EFNA5: variants seen among roughly 807,000 people sequenced by gnomAD.
The protein encoded by EFNA5 is ephrin A5.
In EFNA5, 5 loss-of-function variants were observed where a neutral mutation model predicts 22.9. The ratio of observed to expected loss-of-function variants is 0.22; its 90% confidence interval spans 0.11 to 0.46. The LOEUF (loss-of-function observed/expected upper bound fraction) is 0.46. Ranked by LOEUF, EFNA5 falls within the 20% of genes least tolerant of loss-of-function variation. The probability of loss-of-function intolerance (pLI) is 0.99; values close to 1 mark genes in which losing one functional copy is unlikely to be tolerated. For synonymous variants in EFNA5, 113 were observed against 112.2 expected (o/e 1.01, Z -0.04); for missense variants, 237 against 293.3 (o/e 0.81, Z 1.40).
At chr5:107,428,867 G>C (rs1466851086) in intron 1 of EFNA5, among the ~76,000 whole-genome samples, 1 of 152,084 alleles carries the variant, frequency 6.6e-6, no homozygotes, top group Non-Finnish European at 1.5e-5. Flanking sequence ...CTGCTGCCTG[G>C]AATTACAAAA....
At chr5:107,579,767 C>T (rs905158851) in intron 1 of EFNA5, among the ~76,000 whole-genome samples, 1 of 152,184 alleles carries the variant, frequency 6.6e-6, no homozygotes, top group East Asian at 1.9e-4. Flanking sequence ...AATTCACTTC[C>T]AGCAGAACTT....
chr5:107,569,562 TATATATATATA>T (rs1580535388), intron 1 of EFNA5, among the ~76,000 whole-genome samples: 3 of 19,840 alleles, frequency 1.5e-4, no homozygotes, highest in Non-Finnish European at 3.3e-4. Flanking sequence ...TATATATTTA[TATATATATATA>T]TATATATATA....
At chr5:107,468,400 G>A (rs1183363427) in intron 1 of EFNA5, among the ~76,000 whole-genome samples, 1 of 152,178 alleles carries the variant, frequency 6.6e-6, no homozygotes, top group Non-Finnish European at 1.5e-5. Flanking sequence ...TAAAGCTAAT[G>A]AGTCAGAGAG....
chr5:107,499,628 T>C (rs1353479136), intron 1 of EFNA5, among the ~76,000 whole-genome samples: 3 of 152,224 alleles, frequency 2.0e-5, no homozygotes, highest in Non-Finnish European at 4.4e-5. Context: ...CATTGGCCTA[T>C]ATGTGCACAG....
chr5:107,560,862 T>C lies in EFNA5; in HGVS notation c.125+109627A>G, dbSNP rs1023496078. ...CCCAAAGGTGAGGCAGAGCCAGGAA[T>C]GGCTGCATGGACCAAGCTCTAAGGA... On this transcript the variant is annotated intron_variant, in intron 1 of 4. Transcript: ENST00000333274. 5.3e-5 allele frequency among the ~76,000 whole-genome samples: 8 copies of C among 152,182 alleles called. No individual in the cohort carries two copies. In the East Asian group the frequency reaches 1.3e-3, roughly 26 times the overall value.
At chr5:107,389,531 T>G (rs1274023188) in intron 2 of EFNA5, among the ~76,000 whole-genome samples, 1 of 152,210 alleles carries the variant, frequency 6.6e-6, no homozygotes, top group Non-Finnish European at 1.5e-5. Flanking sequence ...ATTTGCTACA[T>G]GCACATAACT....
At chr5:107,463,291 C>T (rs1245740211) in intron 1 of EFNA5, among the ~76,000 whole-genome samples, 1 of 152,064 alleles carries the variant, frequency 6.6e-6, no homozygotes, top group Middle Eastern at 3.2e-3. Flanking sequence ...AACAAATTCA[C>T]ACACATATAT....
chr5:107,515,804 G>GC, intron 1 of EFNA5, among the ~76,000 whole-genome samples: 1 of 152,224 alleles, frequency 6.6e-6, no homozygotes, highest in Non-Finnish European at 1.5e-5. Flanking sequence ...TCATGCTCAC[G>GC]CCCCAAAGGC....
intron 1 of EFNA5, among the ~76,000 whole-genome samples, chr5:107,479,229 G>C (rs1750388104): frequency 6.6e-6 from 1 of 150,904 alleles, no homozygotes; most frequent in African/African-American, 2.4e-5. Flanking sequence ...TCAAAATACT[G>C]TCTTAGTTGC....
chr5:107,596,529 G>A (rs1276269666), intron 1 of EFNA5, among the ~76,000 whole-genome samples: 1 of 152,086 alleles, frequency 6.6e-6, no homozygotes, highest in Non-Finnish European at 1.5e-5. Flanking sequence ...GGCCACCTAG[G>A]TTGCTTCCAT....
chr5:107,572,854 G>T (rs7729929), intron 1 of EFNA5, among the ~76,000 whole-genome samples: 12,289 of 152,106 alleles, frequency 0.081, 1,626 homozygotes, highest in African/African-American at 0.28. Context: ...TGTTTTGTAA[G>T]ATCAGCCCGC....
chr5:107,435,465 T>C (rs781098447), intron 1 of EFNA5, among the ~76,000 whole-genome samples: 2 of 152,172 alleles, frequency 1.3e-5, no homozygotes, highest in Non-Finnish European at 2.9e-5. Flanking sequence ...TTCTCTCTCA[T>C]GGACTGAAAC....
intron 1 of EFNA5, among the ~76,000 whole-genome samples, chr5:107,554,308 ACATCT>A (rs1447163287): frequency 6.6e-6 from 1 of 152,240 alleles, no homozygotes; most frequent in Non-Finnish European, 1.5e-5. Flanking sequence ...TTAAAAGCAC[ACATCT>A]CATATGTATC....
At chr5:107,389,320 G>C (rs1747722922) in intron 2 of EFNA5, among the ~76,000 whole-genome samples, 1 of 152,178 alleles carries the variant, frequency 6.6e-6, no homozygotes, top group South Asian at 2.1e-4. Context: ...TGTCCTTCCT[G>C]TGGACCTCAA....
intron 1 of EFNA5, among the ~76,000 whole-genome samples, chr5:107,651,670 C>CAA (rs5870275): frequency 0.012 from 1,671 of 136,860 alleles, 24 homozygotes; most frequent in African/African-American, 0.036. Context: ...GGTTTTTTGG[C>CAA]AAAAAAAAAA....
intron 1 of EFNA5, among the ~76,000 whole-genome samples, chr5:107,533,865 C>G (rs896538887): frequency 1.3e-5 from 2 of 152,168 alleles, no homozygotes; most frequent in African/African-American, 4.8e-5. Flanking sequence ...TCTCTCAGAC[C>G]TGAACTGCAC....
intron 1 of EFNA5, among the ~76,000 whole-genome samples, chr5:107,437,193 G>T (rs1023458452): frequency 4.6e-5 from 7 of 152,064 alleles, no homozygotes; most frequent in African/African-American, 1.7e-4. Context: ...AAATACATGG[G>T]TTTTATGGCT....
chr5:107,428,037 G>C (rs1282027064), intron 1 of EFNA5, among the ~76,000 whole-genome samples: 1 of 152,112 alleles, frequency 6.6e-6, no homozygotes, highest in Non-Finnish European at 1.5e-5. Flanking sequence ...GGGAGAATTA[G>C]AATCATAACA....
intron 1 of EFNA5, among the ~76,000 whole-genome samples, chr5:107,520,699 C>T (rs1747577332): frequency 6.6e-6 from 1 of 152,202 alleles, no homozygotes; most frequent in Non-Finnish European, 1.5e-5. Flanking sequence ...AGCTGGCCTT[C>T]AAACTATAAT....
Sources: allele counts gnomAD v4.1 joint callset (sites outside exome capture counted in the v4.1 genomes callset), GRCh38; gene constraint gnomAD v4.1.1; transcripts MANE v1.5; gene names NCBI Gene and HGNC (gene_info 2026-07-23, HGNC 2026-07-21).